KLC3: variants seen among roughly 807,000 people sequenced by gnomAD.
KLC3 encodes the protein kinesin light chain 3, also known as kinesin light chain 2.
Under a neutral mutation model 62.9 loss-of-function variants are expected in KLC3, and 72 were observed. That is an observed-to-expected ratio of 1.15 (90% CI 0.95 to 1.39). The LOEUF (loss-of-function observed/expected upper bound fraction) is 1.39. Among genes scored for constraint, KLC3 ranks in the 40% most tolerant of loss-of-function variants. The pLI, the probability that KLC3 is intolerant of heterozygous loss-of-function variation, is 0.00. For synonymous variants in KLC3, 377 were observed against 300.5 expected, an observed-to-expected ratio of 1.25 and a Z score of -2.63; for missense variants, 848 against 691.6, an observed-to-expected ratio of 1.23 and a Z score of -2.54.
chr19:45,351,488 C>T lies in KLC3; in HGVS notation c.*131C>T. 6.3e-7 allele frequency: 1 copy of T among 1,589,182 alleles called. No individual in the cohort carries two copies. Among genetic ancestry groups the T allele is most frequent in the South Asian group, 1.1e-5 (1 of 89,904 alleles). On this transcript the variant is annotated 3_prime_UTR_variant, in exon 13 of 13. Transcript: ENST00000391946. The stretch of plus-strand genomic sequence containing the variant: ...GGTACCTGGTGGATAGCTGCCTTCT[C>T]CTGCGATTAAAGGCTGTGGACGTGA...
At position 45,349,423 on chromosome 19, in the gene KLC3, CCCCAGGTCCTGGGT is replaced by C; in HGVS notation, c.970-5_978del. 6.3e-7 allele frequency: 1 copy of C among 1,598,308 alleles called. No homozygotes were observed. Among genetic ancestry groups the C allele is most frequent in the South Asian group, 1.1e-5 (1 of 89,724 alleles). On this transcript the variant is annotated splice_acceptor_variant and splice_polypyrimidine_tract_variant and coding_sequence_variant and intron_variant, in exon 8 of 13. Coordinates refer to ENST00000391946, the MANE Select transcript of KLC3 (RefSeq NM_177417.3). LOFTEE classifies it high-confidence loss of function. The stretch of plus-strand genomic sequence containing the variant: ...ATCCCTCTGACTTGTGACCCCTGGC[CCCCAGGTCCTGGGT>C]GCTGACCACCCAGATGTGGCCAAGC...
At chr19:45,342,417 T>C (rs1971413251) in intron 1 of KLC3, among the ~76,000 whole-genome samples, 1 of 151,930 alleles carries the variant, frequency 6.6e-6, no homozygotes, top group Non-Finnish European at 1.5e-5. Flanking sequence ...TGATACCCCG[T>C]CTCTACAAAA....
At chr19:45,350,860 A>C (rs968284825) in intron 11 of KLC3, 94 bp from the exon 12 acceptor site, 19 of 1,384,592 alleles carry the variant, frequency 1.4e-5, no homozygotes, top group Non-Finnish European at 1.7e-5. Context: ...CTCCCCTGTG[A>C]TACACACAGA....
intron 12 of KLC3, 133 bp from the exon 13 acceptor site, chr19:45,351,153 C>T (rs1971747184): frequency 2.5e-6 from 4 of 1,592,592 alleles, no homozygotes; most frequent in Non-Finnish European, 3.4e-6. Context: ...AGGACAGGAG[C>T]AAAGATGGGT....
chr19:45,341,578 T>TGTGTGTGCGCGTGCGCGC, intron 1 of KLC3, among the ~76,000 whole-genome samples: 1 of 139,800 alleles, frequency 7.2e-6, no homozygotes, highest in Non-Finnish European at 1.6e-5. Context: ...TGTGTGTGTG[T>TGTGTGTGCGCGTGCGCGC]GCGCGCGCGC....
chr19:45,347,757 A>C (rs985224354), intron 4 of KLC3, among the ~76,000 whole-genome samples, 184 bp from the exon 5 acceptor site: 1 of 152,132 alleles, frequency 6.6e-6, no homozygotes. Context: ...TCCTGTCCCG[A>C]GGCCAGGATG....
rs1394163784 is a variant in KLC3 at position 45,345,415 on chromosome 19, G to A, written c.-8-119G>A. On this transcript the variant is annotated intron_variant, in intron 1 of 12. Transcript: ENST00000391946. Reference sequence around the variant, plus strand: ...AGGGCTGGCCAGGATGGGTGGAGCAGGGAAGAGCCAGGATGGGGAGAAGTT... The same window carrying A: ...AGGGCTGGCCAGGATGGGTGGAGCAAGGAAGAGCCAGGATGGGGAGAAGTT... 20 of 1,363,950 alleles carry A rather than the reference G, an allele frequency of 1.5e-5. No homozygotes were observed. In the Admixed American group the frequency reaches 2.2e-4, roughly 15 times the overall value. 84.5% of individuals were successfully genotyped at this position (1,363,950 alleles called of 1,614,324 possible). A position where few individuals can be genotyped will look rare whatever the true frequency, so the allele number is the denominator to read the frequency against.
chr19:45,350,323 A>T lies in KLC3; in HGVS notation c.1144-18A>T. On this transcript the variant is annotated intron_variant, in intron 8 of 12. Coordinates refer to ENST00000391946, the MANE Select transcript of KLC3 (RefSeq NM_177417.3). ...GAACTGGGGTCCGAAAAGTTCCCAG[A>T]CACTCCCTTCTCCGCAGGCCTCAGC... is the stretch of plus-strand genomic sequence containing the variant. 6.2e-7 allele frequency: 1 copy of T among 1,610,500 alleles called. No homozygotes were observed. The highest frequency in any genetic ancestry group is 1.1e-5 in the South Asian group (1 of 90,990).
chr19:45,350,428 C>G lies in KLC3; in HGVS notation c.1231C>G (p.Leu411Val). 6.2e-7 allele frequency: 1 copy of G among 1,613,446 alleles called. No individual in the cohort carries two copies. The highest frequency in any genetic ancestry group is 8.5e-7 in the Non-Finnish European group (1 of 1,179,456). ...ILHKEDLPAP[L>V]GAPNTGTAGD... ...CCACAAGGAGGACCTACCCGCCCCT[C>G]TCGGTGAGCCCCTAGCCCCTGTCTG... Residue 411 changes from leucine to valine, a missense_variant, in exon 9 of 13, where the codon CTC (leucine) becomes GTC (valine). By Grantham distance (32) the Leu-to-Val change is conservative. Transcript: ENST00000391946.
At chr19:45,348,965 G>A (rs1971585353) in intron 7 of KLC3, 44 bp downstream of exon 7, 1 of 1,502,436 alleles carries the variant, frequency 6.7e-7, no homozygotes, top group Non-Finnish European at 9.1e-7. Context: ...CTTGTCCCAT[G>A]TAGCCCTCCC....
chr19:45,347,886 AGGCTGGAGG>A, intron 4 of KLC3, 46 bp from the exon 5 acceptor site: 1 of 1,422,738 alleles, frequency 7.0e-7, no homozygotes, highest in South Asian at 1.2e-5. Context: ...CCCTCATGCG[AGGCTGGAGG>A]GGCAGGAGGC....
At chr19:45,349,823 C>G (rs1599714205) in intron 8 of KLC3, 2 of 546,106 alleles carry the variant, frequency 3.7e-6, no homozygotes, top group South Asian at 2.6e-5. Context: ...GAAGCGGAAG[C>G]TGGCAGGCAC....
rs756810490 is a variant in KLC3 at position 45,349,593 on chromosome 19, G to C, written c.1134G>C (p.Lys378Asn). 1 of 1,610,910 alleles carries C rather than the reference G, an allele frequency of 6.2e-7. No homozygotes were observed. The highest frequency in any genetic ancestry group is 8.5e-7 in the Non-Finnish European group (1 of 1,178,030). ...ATGACCCCAACGTGGCCAAGACCAA[G>C]AACAACCTGGTGAGGCCCCTGGGGC... The part of the protein sequence containing the change: ...GPHDPNVAKT[K>N]NNLASAYLKQ... Residue 378 changes from lysine (K) to asparagine (N), a missense_variant, in exon 8 of 13, where the codon AAG becomes AAC. Coordinates refer to ENST00000391946, the MANE Select transcript of KLC3 (RefSeq NM_177417.3).
In KLC3 at chr19:45,351,429, G is replaced by A. The variant is rs1163494701; in HGVS notation, c.*72G>A. 2 of 1,590,692 alleles carry A rather than the reference G, an allele frequency of 1.3e-6. No homozygotes were observed. Among genetic ancestry groups the A allele is most frequent in the Admixed American group, 3.4e-5 (2 of 59,332 alleles). On this transcript the variant is annotated 3_prime_UTR_variant, in exon 13 of 13. Transcript: ENST00000391946. ...AGGGATGGGCTGGTGGGGTGAGAGG[G>A]GGTCTATCATCTCCTGGCCCCCCCT... is the stretch of plus-strand genomic sequence containing the variant.
chr19:45,349,072 C>A, intron 7 of KLC3, 151 bp downstream of exon 7: 1 of 699,570 alleles, frequency 1.4e-6, no homozygotes. Context: ...CCCAACCCAT[C>A]ACCCTTGACC....
intron 11 of KLC3, 64 bp from the exon 12 acceptor site, chr19:45,350,890 G>C: frequency 6.4e-7 from 1 of 1,561,990 alleles, no homozygotes; most frequent in Non-Finnish European, 8.8e-7. Flanking sequence ...GTGCTGGAAA[G>C]GTCCCTCGTG....
intron 1 of KLC3, among the ~76,000 whole-genome samples, chr19:45,341,115 T>C (rs1194856462): frequency 6.6e-6 from 1 of 151,102 alleles, no homozygotes; most frequent in African/African-American, 2.4e-5. Flanking sequence ...TGCGCGGGGC[T>C]GGGCAGGCCA....
chr19:45,347,415 C>A, intron 3 of KLC3, 32 bp from the exon 4 acceptor site: 1 of 1,576,212 alleles, frequency 6.3e-7, no homozygotes, highest in Non-Finnish European at 8.7e-7. Flanking sequence ...AAGCCCCCAC[C>A]ACCCCGGCCC....
At position 45,346,790 on chromosome 19, in the gene KLC3, C is replaced by A. The variant is rs535593969; in HGVS notation, c.489+16C>A. The A allele has an allele frequency of 6.3e-5, 98 of 1,548,836 alleles. No homozygotes were observed. The South Asian group carries it at 1.1e-3, about 17-fold the overall frequency. On this transcript the variant is annotated intron_variant, in intron 3 of 12. Transcript: ENST00000391946. ...GGAGAGCCAGGTGCCACGGGCAGGG[C>A]GAGGCGGGGGGTGCTGGGCCCTTCA...
Sources: allele counts gnomAD v4.1 joint callset (sites outside exome capture counted in the v4.1 genomes callset), GRCh38; gene constraint gnomAD v4.1.1; transcripts MANE v1.5; gene names NCBI Gene and HGNC (gene_info 2026-07-23, HGNC 2026-07-21).